The following BTBD9 variants were observed in gnomAD, a reference collection of about 807,000 sequenced individuals.
BTBD9 encodes the protein BTB/POZ domain-containing protein 9.
In BTBD9, 49 loss-of-function variants were observed where a neutral mutation model predicts 64.3. That is an observed-to-expected ratio of 0.76 (90% CI 0.61 to 0.97). BTBD9 has a LOEUF of 0.97. Among genes scored for constraint, BTBD9 ranks in the 50% least tolerant of loss-of-function variants. The probability of loss-of-function intolerance (pLI) is 0.00; values close to 1 mark genes in which losing one functional copy is unlikely to be tolerated. For synonymous variants in BTBD9, 260 were observed against 274.7 expected (o/e 0.95, Z 0.53); for missense variants, 598 against 762.1 (o/e 0.78, Z 2.53).
At chr6:38,369,376 T>C (rs1461775082) in intron 6 of BTBD9, among the ~76,000 whole-genome samples, 2 of 152,214 alleles carry the variant, frequency 1.3e-5, no homozygotes, top group African/African-American at 4.8e-5. Flanking sequence ...ATTGCCTTCC[T>C]AGATTCCTAA....
chr6:38,216,554 G>C (rs1183484406), intron 9 of BTBD9, among the ~76,000 whole-genome samples: 1 of 152,192 alleles, frequency 6.6e-6, no homozygotes, highest in African/African-American at 2.4e-5. Flanking sequence ...ATAATGGCAG[G>C]TTTATGTCCC....
chr6:38,202,085 GTTTTTT>G (rs147043026), intron 9 of BTBD9, among the ~76,000 whole-genome samples: 1 of 120,612 alleles, frequency 8.3e-6, no homozygotes, highest in African/African-American at 3.2e-5. Flanking sequence ...CGTTTTTTTT[GTTTTTT>G]TTTTTTTTTT....
At chr6:38,619,474 T>A (rs1230524800) in intron 1 of BTBD9, among the ~76,000 whole-genome samples, 1 of 152,118 alleles carries the variant, frequency 6.6e-6, no homozygotes, top group Non-Finnish European at 1.5e-5. Context: ...AAAAAGATTG[T>A]CCAAAGAGAA....
chr6:38,508,501 G>GC (rs1404664398), intron 6 of BTBD9, among the ~76,000 whole-genome samples: 1 of 152,062 alleles, frequency 6.6e-6, no homozygotes, highest in Non-Finnish European at 1.5e-5. Context: ...CTAGACTTTT[G>GC]CAAGTCTACA....
intron 6 of BTBD9, among the ~76,000 whole-genome samples, chr6:38,497,549 T>G (rs1772008970): frequency 6.6e-6 from 1 of 151,910 alleles, no homozygotes; most frequent in Admixed American, 6.6e-5. Flanking sequence ...TTTTGCAAAT[T>G]TACCAGTTCA....
intron 6 of BTBD9, among the ~76,000 whole-genome samples, chr6:38,390,371 T>C (rs1392892048): frequency 1.3e-5 from 2 of 152,134 alleles, no homozygotes; most frequent in Admixed American, 6.5e-5. Flanking sequence ...AGGCATGAGC[T>C]ACCTCACCTA....
intron 6 of BTBD9, among the ~76,000 whole-genome samples, chr6:38,535,245 C>T (rs1054488938): frequency 1.3e-5 from 2 of 151,834 alleles, no homozygotes; most frequent in Non-Finnish European, 2.9e-5. Flanking sequence ...AGAAAGTAAT[C>T]CCATTTACAA....
At chr6:38,202,845 C>T (rs2127493653) in intron 9 of BTBD9, among the ~76,000 whole-genome samples, 1 of 152,102 alleles carries the variant, frequency 6.6e-6, no homozygotes, top group East Asian at 1.9e-4. Context: ...ATTGGTCTAG[C>T]CAAATGGGAC....
intron 9 of BTBD9, among the ~76,000 whole-genome samples, chr6:38,211,780 T>C (rs1435733484): frequency 6.6e-6 from 1 of 152,180 alleles, no homozygotes. Flanking sequence ...TTGTCTGATG[T>C]TGAACAGGAA....
chr6:38,414,559 A>G (rs375489825), intron 6 of BTBD9, among the ~76,000 whole-genome samples: 18 of 150,820 alleles, frequency 1.2e-4, no homozygotes, highest in Non-Finnish European at 1.8e-4. Flanking sequence ...CTTCACATCA[A>G]TCTCCACTTT....
intron 6 of BTBD9, among the ~76,000 whole-genome samples, chr6:38,561,830 C>A (rs1290689790): frequency 6.6e-6 from 1 of 152,102 alleles, no homozygotes; most frequent in Non-Finnish European, 1.5e-5. Flanking sequence ...GGGTACTATG[C>A]TCACTACCTG....
chr6:38,274,863 G>A (rs1161092667), intron 8 of BTBD9, among the ~76,000 whole-genome samples: 1 of 152,140 alleles, frequency 6.6e-6, no homozygotes, highest in East Asian at 1.9e-4. Flanking sequence ...GTCTCTGCCA[G>A]GCTTTGGTAT....
rs149051799 is a variant in BTBD9, at chr6:38,606,258, C to T, written c.-27-8137G>A. Among the ~76,000 whole-genome samples, 327 of 152,202 alleles carry T rather than the reference C, an allele frequency of 2.1e-3. 6 individuals are homozygous for T. The East Asian group carries it at 0.036, about 17-fold the overall frequency. On this transcript the variant is annotated intron_variant, in intron 1 of 10. Coordinates refer to ENST00000481247, the MANE Select transcript of BTBD9 (RefSeq NM_001099272.2). ...CTATTGTGGGACTTCACCTTGTGAT[C>T]GTGTGAGTCAATACTCCTTAATAAA...
At chr6:38,239,504 T>C (rs1040393403) in intron 9 of BTBD9, among the ~76,000 whole-genome samples, 4 of 150,576 alleles carry the variant, frequency 2.7e-5, no homozygotes, top group African/African-American at 9.8e-5. Flanking sequence ...ACCTGAGACA[T>C]GGCAGTTTTA....
chr6:38,304,189 C>T (rs1273179709), intron 7 of BTBD9, among the ~76,000 whole-genome samples: 1 of 151,762 alleles, frequency 6.6e-6, no homozygotes, highest in African/African-American at 2.4e-5. Flanking sequence ...TTTCAAGAAA[C>T]AGCTTTTACT....
rs371088037 is a variant in BTBD9 at position 38,258,078 on chromosome 6, C to T, written c.1455-1562G>A. 4.5e-4 allele frequency among the ~76,000 whole-genome samples: 69 copies of T among 152,008 alleles called. 2 individuals are homozygous for T. Among genetic ancestry groups the T allele is most frequent in the African/African-American group, 1.4e-3 (60 of 41,454 alleles). ...TCGGCTCATTGCAACCTCCGCCTCC[C>T]GGGTTCAAGTGATTCTCCTGCCTCA... On this transcript the variant is annotated intron_variant, in intron 8 of 10. Transcript: ENST00000481247.
chr6:38,328,244 C>G (rs1763517065), intron 7 of BTBD9, among the ~76,000 whole-genome samples: 1 of 152,168 alleles, frequency 6.6e-6, no homozygotes, highest in African/African-American at 2.4e-5. Context: ...ATGGACTGAA[C>G]TGTGTCCTCC....
chr6:38,499,757 A>G (rs554711453), intron 6 of BTBD9, among the ~76,000 whole-genome samples: 15 of 152,350 alleles, frequency 9.8e-5, no homozygotes, highest in Admixed American at 3.3e-4. Flanking sequence ...GTTTGCTCAC[A>G]GTATTCTGAT....
chr6:38,376,429 T>G (rs1015958216), intron 6 of BTBD9, among the ~76,000 whole-genome samples: 3 of 152,156 alleles, frequency 2.0e-5, no homozygotes, highest in African/African-American at 7.2e-5. Flanking sequence ...AAATTTATCC[T>G]AAATGCTAGA....
Sources: allele counts gnomAD v4.1 joint callset (sites outside exome capture counted in the v4.1 genomes callset), GRCh38; gene constraint gnomAD v4.1.1; transcripts MANE v1.5; gene names NCBI Gene and HGNC (gene_info 2026-07-23, HGNC 2026-07-21).